Variants in SLIT2 observed in about 807,000 individuals in gnomAD.
The protein encoded by SLIT2 is slit guidance ligand 2.
In SLIT2, 41 loss-of-function variants were observed where a neutral mutation model predicts 185.7. The ratio of observed to expected loss-of-function variants is 0.22; its 90% confidence interval spans 0.17 to 0.29. The LOEUF (loss-of-function observed/expected upper bound fraction) is 0.29. Ranked by LOEUF, SLIT2 falls within the 10% of genes least tolerant of loss-of-function variation. The pLI is 1.00. For synonymous variants in SLIT2, 693 were observed against 680.2 expected, an observed-to-expected ratio of 1.02 and a Z score of -0.29; for missense variants, 1,571 against 1,909.0, an observed-to-expected ratio of 0.82 and a Z score of 3.30.
chr4:20,305,357 T>A (rs899358505), intron 4 of SLIT2, among the ~76,000 whole-genome samples: 13 of 152,178 alleles, frequency 8.5e-5, no homozygotes, highest in Non-Finnish European at 8.8e-5. Flanking sequence ...AAGGTCTATG[T>A]CACCTGTGAA....
intron 34 of SLIT2, among the ~76,000 whole-genome samples, chr4:20,612,593 A>AGG (rs1291711786): frequency 1.3e-5 from 2 of 152,094 alleles, no homozygotes; most frequent in Non-Finnish European, 1.5e-5. Context: ...GAGGGAGAAA[A>AGG]GGAGAGCAAG....
chr4:20,598,297 G>C lies in SLIT2; in HGVS notation c.3594G>C (p.Leu1198=). 2 of 1,614,112 alleles carry C rather than the reference G, an allele frequency of 1.2e-6. No homozygotes were observed. Among genetic ancestry groups the C allele is most frequent in the Non-Finnish European group, 1.7e-6 (2 of 1,179,990 alleles). ...CAGATGAAGACAGCGGAATCCTCCT[G>C]TATAAGGGTGACAAAGACCATATCG... The part of the protein sequence containing the change: ...IATDEDSGIL[L]YKGDKDHIAV... Residue 1198 remains leucine (L), a synonymous_variant, in exon 33 of 37, where the codon CTG becomes CTC. Coordinates refer to ENST00000504154, the MANE Select transcript of SLIT2 (RefSeq NM_004787.4).
intron 11 of SLIT2, among the ~76,000 whole-genome samples, chr4:20,518,159 A>C: frequency 8.2e-6 from 1 of 121,526 alleles, no homozygotes; most frequent in South Asian, 2.7e-4. Flanking sequence ...ATACATATAC[A>C]TACATATACA....
chr4:20,540,947 G>A (rs1722755355), intron 19 of SLIT2, among the ~76,000 whole-genome samples: 1 of 152,160 alleles, frequency 6.6e-6, no homozygotes, highest in African/African-American at 2.4e-5. Flanking sequence ...TCAGCTGTCA[G>A]TTTAGATGGG....
intron 4 of SLIT2, among the ~76,000 whole-genome samples, chr4:20,290,477 T>C (rs1423410879): frequency 6.6e-6 from 1 of 152,242 alleles, no homozygotes; most frequent in Non-Finnish European, 1.5e-5. Context: ...TCTATTCAAA[T>C]ACTAGGCCAT....
intron 11 of SLIT2, among the ~76,000 whole-genome samples, chr4:20,511,920 C>G (rs905196186): frequency 1.3e-5 from 2 of 151,648 alleles, no homozygotes; most frequent in African/African-American, 4.8e-5. Flanking sequence ...AGCTTTTAAT[C>G]TCTCAAAGAA....
At chr4:20,404,566 C>A (rs1162615926) in intron 4 of SLIT2, among the ~76,000 whole-genome samples, 1 of 151,918 alleles carries the variant, frequency 6.6e-6, no homozygotes, top group Non-Finnish European at 1.5e-5. Context: ...ACATGTATTT[C>A]CTAATAATCC....
At chr4:20,308,162 GC>G (rs1445682135) in intron 4 of SLIT2, among the ~76,000 whole-genome samples, 1 of 152,180 alleles carries the variant, frequency 6.6e-6, no homozygotes, top group African/African-American at 2.4e-5. Context: ...AAGTGATGGG[GC>G]CTTGAGGGAT....
chr4:20,257,840 A>C (rs1712003856), intron 2 of SLIT2, 28 bp from the exon 3 acceptor site: 5 of 1,181,250 alleles, frequency 4.2e-6, no homozygotes, highest in Non-Finnish European at 5.0e-6. Context: ...TGGTAACATT[A>C]AGAAGCATGT....
Position 20,599,168 on chromosome 4 carries a change from A to G in SLIT2, c.3692+773A>G, listed in dbSNP as rs564338105. 1.7e-4 allele frequency among the ~76,000 whole-genome samples: 26 copies of G among 152,318 alleles called. 1 individual carries two copies. In the South Asian group the frequency reaches 1.9e-3, roughly 11 times the overall value. ...AATGTTGTCTTAGGGAATCTTGACCATCCATTTTGGAAGTTTTCTAATGAT... is the reference window on the plus strand; with the variant it reads ...AATGTTGTCTTAGGGAATCTTGACCGTCCATTTTGGAAGTTTTCTAATGAT... On this transcript the variant is annotated intron_variant, in intron 33 of 36. Coordinates refer to ENST00000504154, the MANE Select transcript of SLIT2 (RefSeq NM_004787.4).
At position 20,361,744 on chromosome 4, in the gene SLIT2, A is replaced by G. The variant is rs568509534; in HGVS notation, c.395+92863A>G. On this transcript the variant is annotated intron_variant, in intron 4 of 36. Transcript: ENST00000504154. Reference sequence around the variant, plus strand: ...TTCTACAACATAAAAACAATTTTGCATAAGAAATGTTAGGTATCTCTAAGT... The same window carrying G: ...TTCTACAACATAAAAACAATTTTGCGTAAGAAATGTTAGGTATCTCTAAGT... Among the ~76,000 whole-genome samples, 568 of 152,224 alleles carry G rather than the reference A, an allele frequency of 3.7e-3. 2 individuals are homozygous for G. Among genetic ancestry groups the G allele is most frequent in the South Asian group, 0.011 (54 of 4,824 alleles).
At chr4:20,293,814 G>T (rs542120424) in intron 4 of SLIT2, among the ~76,000 whole-genome samples, 1 of 152,170 alleles carries the variant, frequency 6.6e-6, no homozygotes, top group Non-Finnish European at 1.5e-5. Context: ...TGCCTGGCCC[G>T]TGGAGAGAGA....
chr4:20,582,191 G>A (rs368464838), intron 29 of SLIT2, among the ~76,000 whole-genome samples: 6 of 152,108 alleles, frequency 3.9e-5, no homozygotes, highest in South Asian at 4.1e-4. Flanking sequence ...ATGTTTTCCC[G>A]GGCTCACTCC....
At chr4:20,477,155 T>A (rs1418994784) in intron 5 of SLIT2, among the ~76,000 whole-genome samples, 19 of 139,078 alleles carry the variant, frequency 1.4e-4, no homozygotes, top group East Asian at 2.1e-4. Context: ...CCTCCTACCA[T>A]AAAAAAAAAA....
At chr4:20,389,790 C>A (rs1027896474) in intron 4 of SLIT2, among the ~76,000 whole-genome samples, 22 of 152,160 alleles carry the variant, frequency 1.4e-4, no homozygotes, top group Middle Eastern at 3.4e-3. Context: ...TGTAGAAACA[C>A]CCAGGTACCA....
intron 9 of SLIT2, among the ~76,000 whole-genome samples, chr4:20,494,308 A>G (rs2148801648): frequency 6.6e-6 from 1 of 152,332 alleles, no homozygotes; most frequent in African/African-American, 2.4e-5. Flanking sequence ...TGATGAGATA[A>G]AGGAGTAATG....
chr4:20,481,857 T>C (rs1716738334), intron 6 of SLIT2, among the ~76,000 whole-genome samples: 1 of 152,062 alleles, frequency 6.6e-6, no homozygotes, highest in South Asian at 2.1e-4. Flanking sequence ...TATTAATTAT[T>C]TTAAAAGATT....
At chr4:20,267,202 C>T (rs1293296331) in intron 3 of SLIT2, among the ~76,000 whole-genome samples, 1 of 151,956 alleles carries the variant, frequency 6.6e-6, no homozygotes, top group Non-Finnish European at 1.5e-5. Flanking sequence ...TGGAAGTACA[C>T]TGTCTTCAGA....
intron 4 of SLIT2, among the ~76,000 whole-genome samples, chr4:20,333,216 A>G (rs1034967822): frequency 1.3e-5 from 2 of 152,134 alleles, no homozygotes. Flanking sequence ...AAAAAATTCA[A>G]TGGACTAATA....
Sources: gnomAD v4.1 joint callset for allele counts (sites outside exome capture counted in the v4.1 genomes callset) on GRCh38, gnomAD v4.1.1 for gene constraint, MANE v1.5 for transcripts, NCBI Gene and HGNC (gene_info 2026-07-23, HGNC 2026-07-21) for gene names.